The following HEMK1 variants were observed in gnomAD, a reference collection of about 807,000 sequenced individuals.
The protein encoded by HEMK1 is MTRF1L release factor glutamine methyltransferase.
In HEMK1, 36 loss-of-function variants were observed where a neutral mutation model predicts 47.9. That is an observed-to-expected ratio of 0.75 (90% CI 0.58 to 0.99). The LOEUF (loss-of-function observed/expected upper bound fraction) is 0.99, where lower values mean the gene tolerates loss of function less well. Ranked by LOEUF, HEMK1 falls within the 50% of genes least tolerant of loss-of-function variation. HEMK1 has a pLI of 0.00. For missense variants in HEMK1, 383 were observed against 434.5 expected (o/e 0.88, Z 1.05); for synonymous variants, 153 against 165.4 (o/e 0.93, Z 0.57).
rs1381412575 is a variant in HEMK1, at chr3:50,571,774, G to A, written c.293G>A (p.Arg98Gln). Reference protein sequence around the residue: ...PLTSQQLQCIRELSSRRLQRM... With the variant: ...PLTSQQLQCIQELSSRRLQRM... ...ACCTCTCAGCAACTACAGTGTATCC[G>A]GGAGCTGAGTAGCCGTCGATTGCAG... The change falls in exon 3 of 11, where the codon CGG becomes CAG. Residue 98 changes from arginine to glutamine, a missense_variant. Physicochemically the swap from Arg to Gln is conservative, Grantham distance 43. Transcript: ENST00000232854. The A allele has an allele frequency of 3.7e-6, 6 of 1,614,150 alleles. No homozygotes were observed. Among genetic ancestry groups the A allele is most frequent in the South Asian group, 2.2e-5 (2 of 91,092 alleles).
Position 50,572,148 on chromosome 3 carries a change from C to A in HEMK1, c.354C>A (p.Asp118Glu), listed in dbSNP as rs1239598696. The A allele has an allele frequency of 6.2e-7, 1 of 1,613,850 alleles. No homozygotes were observed. The highest frequency in any genetic ancestry group is 1.3e-5 in the African/African-American group (1 of 74,912). ...MPVQYILGEW[D>E]FQGLSLRMVP... ...TGCAGTACATCCTTGGAGAGTGGGA[C>A]TTCCAGGGGCTCAGCCTAAGGATGG... The change falls in exon 4 of 11, where the codon GAC (aspartate) becomes GAA (glutamate). Residue 118 changes from aspartate (D) to glutamate (E), a missense_variant. Physicochemically the swap from Asp to Glu is conservative, Grantham distance 45. Transcript: ENST00000232854.
At chr3:50,570,014 G>C (rs1700745583) in intron 1 of HEMK1, 1 of 152,120 alleles carries the variant, frequency 6.6e-6, no homozygotes, top group South Asian at 2.1e-4. Flanking sequence ...CCAATTTTTT[G>C]TATTTTTAGT....
Position 50,571,946 on chromosome 3 carries a change from G to A in HEMK1, c.320+145G>A. The A allele has an allele frequency of 1.3e-5, 12 of 937,338 alleles. No individual in the cohort carries two copies. In the South Asian group the frequency reaches 1.7e-4, roughly 13 times the overall value. 58.1% of individuals were successfully genotyped at this position (937,338 alleles called of 1,614,324 possible). Reference sequence around the variant, plus strand: ...CAGGAGTGGCAAGAGTGGGGCCGGGGTACTGAATAGGAAGAAGGGAGGGAG... The same window carrying A: ...CAGGAGTGGCAAGAGTGGGGCCGGGATACTGAATAGGAAGAAGGGAGGGAG... On this transcript the variant is annotated intron_variant, in intron 3 of 10. Transcript: ENST00000232854.
chr3:50,572,763 C>G (rs1204132999), intron 4 of HEMK1, among the ~76,000 whole-genome samples: 2 of 152,264 alleles, frequency 1.3e-5, no homozygotes, highest in African/African-American at 2.4e-5. Flanking sequence ...CCTCAAATTA[C>G]TAGGACTAGG....
chr3:50,575,776 C>G (rs1701527700), intron 4 of HEMK1, among the ~76,000 whole-genome samples: 1 of 152,176 alleles, frequency 6.6e-6, no homozygotes, highest in Admixed American at 6.5e-5. Context: ...TGCCCACATC[C>G]AAAGGGATGC....
In HEMK1 at chr3:50,586,084, G is replaced by A. The variant is rs933681484; in HGVS notation, c.*5667G>A. On this transcript the variant is annotated 3_prime_UTR_variant, in exon 11 of 11. Coordinates refer to ENST00000232854, the MANE Select transcript of HEMK1 (RefSeq NM_016173.5). Reference sequence around the variant, plus strand: ...CCCATCTGAAGCTCTGGTAGCTGTGGGAGGAGAGCAGGATTTCCCCCGCTT... The same window carrying A: ...CCCATCTGAAGCTCTGGTAGCTGTGAGAGGAGAGCAGGATTTCCCCCGCTT... 1 of 152,228 alleles carries A rather than the reference G, an allele frequency of 6.6e-6. No individual in the cohort carries two copies. The highest frequency in any genetic ancestry group is 2.4e-5 in the African/African-American group (1 of 41,430). 9.4% of individuals were successfully genotyped at this position (152,228 alleles called of 1,614,324 possible).
At position 50,586,461 on chromosome 3, in the gene HEMK1, G is replaced by C. The variant is rs1232666501; in HGVS notation, c.*6044G>C. On this transcript the variant is annotated 3_prime_UTR_variant, in exon 11 of 11. Transcript: ENST00000232854. ...AGACAGCTTAGAGTAGCCATGCCCC[G>C]TGGCAGGCAGGCCTGGCTAAGTGGC... The C allele has an allele frequency of 6.6e-6, 1 of 152,322 alleles. No individual in the cohort carries two copies. The highest frequency in any genetic ancestry group is 2.4e-5 in the African/African-American group (1 of 41,464). The allele number at this position is 152,322 out of a possible 1,614,324, so 9.4% of individuals were successfully genotyped here. A position where few individuals can be genotyped will look rare whatever the true frequency, so the allele number is the denominator to read the frequency against.
At chr3:50,579,752 A>T in intron 8 of HEMK1, 92 bp from the exon 9 acceptor site, 1 of 896,486 alleles carries the variant, frequency 1.1e-6, no homozygotes. Context: ...TAAGTTCCAC[A>T]GGGCCCCATT....
chr3:50,577,654 C>T (rs1206745483), intron 6 of HEMK1, 81 bp downstream of exon 6: 1 of 1,485,994 alleles, frequency 6.7e-7, no homozygotes, highest in African/African-American at 1.4e-5. Context: ...ATTTCTACTC[C>T]CAAGAAGGAG....
chr3:50,584,646 A>G lies in HEMK1; in HGVS notation c.*4229A>G, dbSNP rs2031190561. 1 of 152,224 alleles carries G rather than the reference A, an allele frequency of 6.6e-6. No homozygotes were observed. Among genetic ancestry groups the G allele is most frequent in the African/African-American group, 2.4e-5 (1 of 41,450 alleles). 9.4% of individuals were successfully genotyped at this position (152,224 alleles called of 1,614,324 possible). A position where few individuals can be genotyped will look rare whatever the true frequency, so the allele number is the denominator to read the frequency against. On this transcript the variant is annotated 3_prime_UTR_variant, in exon 11 of 11. Coordinates refer to ENST00000232854, the MANE Select transcript of HEMK1 (RefSeq NM_016173.5). ...CAGCCTCTTCTCCTCTGGGGCCTCA[A>G]GAAGAATGCAGTCCTGCCAATACCT...
chr3:50,575,763 C>G (rs998966848), intron 4 of HEMK1, among the ~76,000 whole-genome samples: 3 of 152,206 alleles, frequency 2.0e-5, no homozygotes, highest in African/African-American at 7.2e-5. Flanking sequence ...TGGGGGGCTT[C>G]TCTGCCCACA....
rs962367376 is a variant in HEMK1 at position 50,593,900 on chromosome 3, T to A, written c.*13483T>A. The A allele has an allele frequency of 6.6e-6, 1 of 152,102 alleles. No homozygotes were observed. The highest frequency in any genetic ancestry group is 1.5e-5 in the Non-Finnish European group (1 of 68,014). 9.4% of individuals were successfully genotyped at this position (152,102 alleles called of 1,614,324 possible). A position where few individuals can be genotyped will look rare whatever the true frequency, so the allele number is the denominator to read the frequency against. On this transcript the variant is annotated 3_prime_UTR_variant, in exon 11 of 11. Transcript: ENST00000232854. ...CCATGCCAGGCTAATTTTTTTTTTG[T>A]ATTTTCAGTAGAGACGGGGTTTTGC...
chr3:50,571,894 T>G (rs1701008795), intron 3 of HEMK1, 93 bp downstream of exon 3: 1 of 1,380,918 alleles, frequency 7.2e-7, no homozygotes, highest in Non-Finnish European at 1.0e-6. Flanking sequence ...GAGGAGAATG[T>G]CCAAGGACTA....
Position 50,580,516 on chromosome 3 carries a change from G to T in HEMK1, c.*99G>T. On this transcript the variant is annotated 3_prime_UTR_variant, in exon 11 of 11. Transcript: ENST00000232854. ...CCCAGGTTCTTATGGCATTTCCCAG[G>T]GTTCTGTGATTTCCCCATGCTCTGC... The T allele has an allele frequency of 2.4e-6, 3 of 1,236,912 alleles. No homozygotes were observed. The highest frequency in any genetic ancestry group is 2.3e-6 in the Non-Finnish European group (2 of 859,532). The allele number at this position is 1,236,912 out of a possible 1,614,324, so 76.6% of individuals were successfully genotyped here.
rs749478905 is a variant in HEMK1, at chr3:50,581,825, G to C, written c.*1408G>C. Reference sequence around the variant, plus strand: ...GGACACATTTGGTAGAGGTCACACTGCAGCTCCCAGTGCCCCAGTGTCCTG... The same window carrying C: ...GGACACATTTGGTAGAGGTCACACTCCAGCTCCCAGTGCCCCAGTGTCCTG... On this transcript the variant is annotated 3_prime_UTR_variant, in exon 11 of 11. Transcript: ENST00000232854. 1 of 152,296 alleles carries C rather than the reference G, an allele frequency of 6.6e-6. No individual in the cohort carries two copies. Among genetic ancestry groups the C allele is most frequent in the Non-Finnish European group, 1.5e-5 (1 of 68,110 alleles). 9.4% of individuals were successfully genotyped at this position (152,296 alleles called of 1,614,324 possible). A position where few individuals can be genotyped will look rare whatever the true frequency, so the allele number is the denominator to read the frequency against.
rs1262301359 is a variant in HEMK1 at position 50,582,853 on chromosome 3, T to A, written c.*2436T>A. ...CAGCCTCTCCTCACTATGGCCCCAG[T>A]GCCTTGAGGCCCAGGCCAGGGCAGC... On this transcript the variant is annotated 3_prime_UTR_variant, in exon 11 of 11. Coordinates refer to ENST00000232854, the MANE Select transcript of HEMK1 (RefSeq NM_016173.5). 6.6e-6 allele frequency: 1 copy of A among 152,332 alleles called. No individual in the cohort carries two copies. The highest frequency in any genetic ancestry group is 1.9e-4 in the East Asian group (1 of 5,200). The allele number at this position is 152,332 out of a possible 1,614,324, so 9.4% of individuals were successfully genotyped here.
chr3:50,569,799 C>G (rs1700701590), intron 1 of HEMK1: 1 of 152,262 alleles, frequency 6.6e-6, no homozygotes, highest in South Asian at 2.1e-4. Flanking sequence ...CTTCTGGAGT[C>G]TGGTGGACTC....
At chr3:50,572,546 T>C (rs575005763) in intron 4 of HEMK1, among the ~76,000 whole-genome samples, 1 of 152,330 alleles carries the variant, frequency 6.6e-6, no homozygotes, top group East Asian at 1.9e-4. Flanking sequence ...AACAAATGTC[T>C]TCCAGCAGCT....
chr3:50,579,889 C>T lies in HEMK1; in HGVS notation c.816C>T (p.Asp272=). ...AALDGGEEGM[D]IITHILALAP... is the part of the protein sequence containing the mutation. ...TGGATGGTGGGGAGGAGGGCATGGA[C>T]ATCATTACCCACATTCTGGCCTTGG... Residue 272 remains aspartate, a synonymous_variant, in exon 9 of 11, where the codon GAC becomes GAT. Coordinates refer to ENST00000232854, the MANE Select transcript of HEMK1 (RefSeq NM_016173.5). 1.2e-6 allele frequency: 2 copies of T among 1,614,032 alleles called. No homozygotes were observed. Among genetic ancestry groups the T allele is most frequent in the Non-Finnish European group, 1.7e-6 (2 of 1,179,950 alleles).
Sources: allele counts gnomAD v4.1 joint callset (sites outside exome capture counted in the v4.1 genomes callset), GRCh38; gene constraint gnomAD v4.1.1; transcripts MANE v1.5; gene names NCBI Gene and HGNC (gene_info 2026-07-23, HGNC 2026-07-21).